The following ATP5ME variants were observed in gnomAD, a reference collection of about 807,000 sequenced individuals.
The protein encoded by ATP5ME is ATP synthase membrane subunit e.
ATP5ME carries 10 observed loss-of-function variants against 11.6 expected under a neutral mutation model. That is an observed-to-expected ratio of 0.86 (90% CI 0.53 to 1.46). The LOEUF is 1.46. ATP5ME is among the 40% of genes most tolerant of loss of function. The probability of loss-of-function intolerance (pLI) is 0.00; values close to 1 mark genes in which losing one functional copy is unlikely to be tolerated. For missense variants in ATP5ME, 115 were observed against 85.4 expected (o/e 1.35, Z -1.37); for synonymous variants, 45 against 33.5 (o/e 1.34, Z -1.19).
At chr4:673,714 G>C (rs1009803449) in intron 2 of ATP5ME, 198 bp downstream of exon 2, 172 of 880,082 alleles carry the variant, frequency 2.0e-4, no homozygotes, top group Non-Finnish European at 4.2e-5. Flanking sequence ...CCGTTTTCGA[G>C]TCCCCCGCCC....
chr4:673,458 T>C, intron 2 of ATP5ME, 57 bp from the exon 3 acceptor site: 6 of 1,612,440 alleles, frequency 3.7e-6, no homozygotes, highest in Non-Finnish European at 5.1e-6. Flanking sequence ...CAAAAGGAAC[T>C]GAGTCCACAG....
At position 674,203 on chromosome 4, in the gene ATP5ME, C is replaced by T. The variant is rs771461589; in HGVS notation, c.36+9G>A. On this transcript the variant is annotated intron_variant, in intron 1 of 3. Coordinates refer to ENST00000304312, the MANE Select transcript of ATP5ME (RefSeq NM_007100.4). ...GAGCACTGGGCGGCGGCTGCAAAGC[C>T]TGGATCACCTTGATGAGCGGAGAGA... The T allele has an allele frequency of 4.3e-6, 7 of 1,611,180 alleles. No homozygotes were observed. In the African/African-American group the frequency reaches 5.3e-5, roughly 12 times the overall value.
At position 673,326 on chromosome 4, in the gene ATP5ME, C is replaced by T. The variant is rs181881252; in HGVS notation, c.167G>A (p.Arg56Gln). Residue 56 changes from arginine (R) to glutamine (Q), a missense_variant, in exon 3 of 4, where the codon CGG (arginine) becomes CAG (glutamine). Transcript: ENST00000304312. ...ACCTTCTGCCAATTCTCTGGCAATC[C>T]GTTTCAGTTCATCCTGCTTCTTCTT... is the stretch of plus-strand genomic sequence containing the variant. ...EEKKKQDELK[R>Q]IARELAEDDS... 1.2e-6 allele frequency: 2 copies of T among 1,614,200 alleles called. No individual in the cohort carries two copies. Among genetic ancestry groups the T allele is most frequent in the East Asian group, 2.2e-5 (1 of 44,890 alleles).
chr4:673,479 C>CT (rs1449585261), intron 2 of ATP5ME, 78 bp from the exon 3 acceptor site: 8 of 1,605,672 alleles, frequency 5.0e-6, no homozygotes, highest in African/African-American at 2.7e-5. Flanking sequence ...GTCAAGGTAT[C>CT]TTCAGCGACG....
chr4:673,302 C>A lies in ATP5ME; in HGVS notation c.190+1G>T. 1 of 1,614,208 alleles carries A rather than the reference C, an allele frequency of 6.2e-7. No homozygotes were observed. The highest frequency in any genetic ancestry group is 2.2e-5 in the East Asian group (1 of 44,888). ...TCTATAAGAGCCAGTGTCACTCGTA[C>A]CTTCTGCCAATTCTCTGGCAATCCG... On this transcript the variant is annotated splice_donor_variant, in intron 3 of 3. Transcript: ENST00000304312. LOFTEE classifies it high-confidence loss of function.
At chr4:674,191 C>A in intron 1 of ATP5ME, 21 bp downstream of exon 1, 1 of 1,609,860 alleles carries the variant, frequency 6.2e-7, no homozygotes, top group South Asian at 1.1e-5. Flanking sequence ...CACTGGGCGG[C>A]GGCTGCAAAG....
chr4:673,200 A>G (rs926460150), intron 3 of ATP5ME, 103 bp downstream of exon 3: 22 of 1,559,394 alleles, frequency 1.4e-5, no homozygotes, highest in Non-Finnish European at 1.8e-5. Context: ...CCATTTTTAA[A>G]CAATCCGCAT....
At chr4:674,033 G>T (rs1198384375) in intron 1 of ATP5ME, 67 bp from the exon 2 acceptor site, 13 of 1,523,274 alleles carry the variant, frequency 8.5e-6, no homozygotes, top group Middle Eastern at 4.4e-4. Context: ...CGGGAGGAGG[G>T]GGGGCGGGGT....
chr4:672,611 T>TG lies in ATP5ME; in HGVS notation c.191-93_191-92insC, dbSNP rs2109301927. ...CTTCCCAGTTATTTTTTTTTTTTTT[T>TG]TTTTTGTTTTGAGACGGAGTCTCGC... is the stretch of plus-strand genomic sequence containing the variant. On this transcript the variant is annotated intron_variant, in intron 3 of 3. Transcript: ENST00000304312. 2.7e-6 allele frequency: 4 copies of TG among 1,463,330 alleles called. No individual in the cohort carries two copies. In the East Asian group the frequency reaches 7.0e-5, roughly 26 times the overall value. The allele number at this position is 1,463,330 out of a possible 1,614,324, so 90.6% of individuals were successfully genotyped here.
rs373904812 is a variant in ATP5ME at position 674,253 on chromosome 4, C to T, written c.-6G>A. 3 of 1,610,680 alleles carry T rather than the reference C, an allele frequency of 1.9e-6. No homozygotes were observed. The highest frequency in any genetic ancestry group is 2.2e-5 in the East Asian group (1 of 44,808). The stretch of plus-strand genomic sequence containing the variant: ...ACCTGCACCGGTGGCACCATCTTGT[C>T]CCTGACCTCCGCACCGGAAGCACAA... On this transcript the variant is annotated 5_prime_UTR_variant, in exon 1 of 4. Transcript: ENST00000304312.
chr4:674,173 G>C (rs763951083), intron 1 of ATP5ME, 39 bp downstream of exon 1: 1 of 1,604,210 alleles, frequency 6.2e-7, no homozygotes, highest in Non-Finnish European at 8.5e-7. Context: ...ACACGGGGGG[G>C]CCCAGAGCAC....
At chr4:672,599 T>A (rs900771187) in intron 3 of ATP5ME, 80 bp from the exon 4 acceptor site, 1,727 of 779,688 alleles carry the variant, frequency 2.2e-3, no homozygotes, top group Non-Finnish European at 2.8e-3. Flanking sequence ...CCCAGTTATT[T>A]TTTTTTTTTT....
At chr4:674,046 C>T in intron 1 of ATP5ME, 80 bp from the exon 2 acceptor site, 2 of 1,423,640 alleles carry the variant, frequency 1.4e-6, no homozygotes, top group Admixed American at 2.1e-5. Flanking sequence ...GGCGGGGTCG[C>T]TGGGCAGAGG....
chr4:672,596 ATTTTTTT>A (rs367766081), intron 3 of ATP5ME, 77 bp from the exon 4 acceptor site: 33,537 of 1,132,538 alleles, frequency 0.03, 133 homozygotes, highest in Non-Finnish European at 0.032. Flanking sequence ...CTTCCCAGTT[ATTTTTTT>A]TTTTTTTTTT....
In ATP5ME at chr4:673,995, C is replaced by T. The variant is rs746619640; in HGVS notation, c.37-29G>A. ...CGAAAGAGGTTGGTCAGAGGCGGCG[C>T]GAAACGGGGCTCGCGGGACGGGGGT... On this transcript the variant is annotated intron_variant, in intron 1 of 3. Coordinates refer to ENST00000304312, the MANE Select transcript of ATP5ME (RefSeq NM_007100.4). 7.8e-6 allele frequency: 12 copies of T among 1,540,678 alleles called. No homozygotes were observed. In the East Asian group the frequency reaches 2.2e-4, roughly 28 times the overall value.
chr4:674,188 C>T (rs779416570), intron 1 of ATP5ME, 24 bp downstream of exon 1: 2 of 1,609,436 alleles, frequency 1.2e-6, no homozygotes, highest in Admixed American at 1.7e-5. Context: ...GAGCACTGGG[C>T]GGCGGCTGCA....
At chr4:673,741 AG>A (rs1738641205) in intron 2 of ATP5ME, 170 bp downstream of exon 2, 4 of 1,054,566 alleles carry the variant, frequency 3.8e-6, no homozygotes, top group Non-Finnish European at 5.6e-6. Context: ...CAGAAGCCTG[AG>A]CTTTGGGTGA....
Position 674,196 on chromosome 4 carries a change from G to A in ATP5ME, c.36+16C>T. Reference sequence around the variant, plus strand: ...GGGCCCAGAGCACTGGGCGGCGGCTGCAAAGCCTGGATCACCTTGATGAGC... The same window carrying A: ...GGGCCCAGAGCACTGGGCGGCGGCTACAAAGCCTGGATCACCTTGATGAGC... On this transcript the variant is annotated intron_variant, in intron 1 of 3. Coordinates refer to ENST00000304312, the MANE Select transcript of ATP5ME (RefSeq NM_007100.4). 1 of 1,610,754 alleles carries A rather than the reference G, an allele frequency of 6.2e-7. No homozygotes were observed. Among genetic ancestry groups the A allele is most frequent in the Non-Finnish European group, 8.5e-7 (1 of 1,178,944 alleles).
intron 1 of ATP5ME, 62 bp downstream of exon 1, chr4:674,150 G>A: frequency 1.5e-5 from 23 of 1,564,378 alleles, no homozygotes; most frequent in Non-Finnish European, 1.9e-5. Context: ...CGGGGTCGGA[G>A]CTGCGGGGCG....
Sources: gnomAD v4.1 joint callset for allele counts on GRCh38, gnomAD v4.1.1 for gene constraint, MANE v1.5 for transcripts, NCBI Gene and HGNC (gene_info 2026-07-23, HGNC 2026-07-21) for gene names.